Variants in KRABD3 observed in about 807,000 individuals in gnomAD.
KRABD3 encodes KRAB domain-containing protein 3.
At chr7:149,715,065 A>G in the KRABD3 span, 1 of 1,230,204 alleles carries the variant, frequency 8.1e-7, no homozygotes, top group Non-Finnish European at 1.0e-6. Context: ...ATGGCGCGCC[A>G]GGTAAGGCAG....
the KRABD3 span, chr7:149,730,194 AG>A: frequency 6.3e-7 from 1 of 1,575,204 alleles, no homozygotes; most frequent in Non-Finnish European, 8.6e-7. Context: ...GAGCGCCCTG[AG>A]GGGGATCTTG....
chr7:149,715,318 C>T, the KRABD3 span: 24 of 1,215,448 alleles, frequency 2.0e-5, no homozygotes, highest in African/African-American at 3.4e-4. Context: ...ACAAGTTATC[C>T]TGGTAGAGTG....
At chr7:149,733,423 C>A in the KRABD3 span, 1 of 1,597,406 alleles carries the variant, frequency 6.3e-7, no homozygotes, top group South Asian at 1.1e-5. Context: ...CGCTGGCAGG[C>A]CTGGCTCAGG....
chr7:149,724,239 CAT>C, the KRABD3 span, among the ~76,000 whole-genome samples: 1 of 152,158 alleles, frequency 6.6e-6, no homozygotes, highest in African/African-American at 2.4e-5. Context: ...AGGTTTCTGC[CAT>C]GTGTGTGAGA....
chr7:149,722,375 G>A, the KRABD3 span: 1 of 1,570,494 alleles, frequency 6.4e-7, no homozygotes, highest in Non-Finnish European at 8.6e-7. Flanking sequence ...ATTTTCCAGA[G>A]TCTGGAGCTG....
At chr7:149,722,124 C>G in the KRABD3 span, 6 of 457,416 alleles carry the variant, frequency 1.3e-5, no homozygotes, top group Non-Finnish European at 2.4e-5. Context: ...CTGTGTGTGC[C>G]CTGGTTTGAG....
the KRABD3 span, chr7:149,734,358 G>A: frequency 8.6e-6 from 3 of 348,960 alleles, no homozygotes; most frequent in Admixed American, 1.3e-4. Context: ...GGCCACGTGT[G>A]CCCCACATAT....
the KRABD3 span, chr7:149,721,770 C>G: frequency 4.4e-6 from 3 of 676,382 alleles, no homozygotes; most frequent in African/African-American, 1.8e-5. Context: ...CATCCCGCCC[C>G]GATCACTGAG....
At chr7:149,732,748 G>A in the KRABD3 span, among the ~76,000 whole-genome samples, 20 of 152,236 alleles carry the variant, frequency 1.3e-4, no homozygotes, top group Admixed American at 1.0e-3. This position sits in a 1 kb window ranked among gnomAD's most constrained non-coding sequence, Gnocchi z 4.0. Flanking sequence ...TGGCCCCAGG[G>A]TCACCCCACA....
chr7:149,728,804 T>G, the KRABD3 span: 1 of 1,056,880 alleles, frequency 9.5e-7, no homozygotes, highest in Non-Finnish European at 1.3e-6. Context: ...GGGCAGAGCC[T>G]TGTTGGAGGC....
chr7:149,721,136 G>C, the KRABD3 span: 3 of 1,210,186 alleles, frequency 2.5e-6, no homozygotes, highest in Non-Finnish European at 3.4e-6. Flanking sequence ...TAGGCCGTGT[G>C]CCGCCCTCTG....
the KRABD3 span, among the ~76,000 whole-genome samples, chr7:149,732,131 A>G: frequency 6.6e-6 from 1 of 152,186 alleles, no homozygotes; most frequent in Non-Finnish European, 1.5e-5. The surrounding 1 kb of genome is among the most constrained non-coding windows in gnomAD (Gnocchi z 4.0). Flanking sequence ...TGGTGGAGAC[A>G]TGCAGGGGGC....
the KRABD3 span, chr7:149,729,668 T>G: frequency 1.0e-6 from 1 of 985,472 alleles, no homozygotes; most frequent in Non-Finnish European, 1.2e-6. Context: ...TTGGTTTAAC[T>G]TCCAGCAGAA....
At chr7:149,729,126 T>C in the KRABD3 span, 2 of 1,312,374 alleles carry the variant, frequency 1.5e-6, no homozygotes, top group Admixed American at 3.2e-5. Context: ...CCCTGTCCCT[T>C]CTTCTGTGGC....
the KRABD3 span, among the ~76,000 whole-genome samples, chr7:149,731,938 G>A: frequency 6.6e-6 from 1 of 152,268 alleles, no homozygotes; most frequent in African/African-American, 2.4e-5. Flanking sequence ...TATCACAGAA[G>A]CAGTTGGGAT....
the KRABD3 span, chr7:149,725,377 A>T: frequency 6.2e-7 from 1 of 1,608,578 alleles, no homozygotes; most frequent in Non-Finnish European, 8.5e-7. Context: ...CATTCCCCCA[A>T]ATGGGTCGTC....
the KRABD3 span, chr7:149,730,731 A>C: frequency 1.1e-6 from 1 of 941,248 alleles, no homozygotes; most frequent in Non-Finnish European, 1.5e-6. Context: ...GTGTCCGAGA[A>C]GGAGGGCGGG....
the KRABD3 span, chr7:149,729,247 AC>A: frequency 6.2e-7 from 1 of 1,601,358 alleles, no homozygotes; most frequent in Admixed American, 1.7e-5. Flanking sequence ...AGAAGCGCCC[AC>A]CCGGAGCCTC....
the KRABD3 span, chr7:149,721,611 C>T: frequency 6.3e-4 from 942 of 1,488,432 alleles, 4 homozygotes; most frequent in African/African-American, 6.7e-3. Context: ...GACCTGGACC[C>T]TGTGCCCTCT....
Sources: allele counts gnomAD v4.1 joint callset (sites outside exome capture counted in the v4.1 genomes callset), GRCh38; gene constraint gnomAD v4.1.1; non-coding constraint Gnocchi (gnomAD v3.1); transcripts MANE v1.5; gene names NCBI Gene and HGNC (gene_info 2026-07-23, HGNC 2026-07-21).